VWA8: variants seen among roughly 807,000 people sequenced by gnomAD.
VWA8 encodes the protein von Willebrand factor A domain-containing protein 8.
Under a neutral mutation model 241.5 loss-of-function variants are expected in VWA8, and 221 were observed. That is an observed-to-expected ratio of 0.91 (90% CI 0.82 to 1.02). The LOEUF is 1.02. VWA8 is among the 50% of genes least tolerant of loss of function. The probability of loss-of-function intolerance (pLI) is 0.00; values close to 1 mark genes in which losing one functional copy is unlikely to be tolerated. For synonymous variants in VWA8, 852 were observed against 827.1 expected, an observed-to-expected ratio of 1.03 and a Z score of -0.52; for missense variants, 2,322 against 2,328.7, an observed-to-expected ratio of 1.00 and a Z score of 0.06.
At chr13:41,958,245 C>T (rs1566052250) in intron 1 of VWA8, among the ~76,000 whole-genome samples, 3 of 152,138 alleles carry the variant, frequency 2.0e-5, no homozygotes, top group African/African-American at 7.2e-5. Flanking sequence ...TGAGAGCAAA[C>T]GACAATTCCA....
chr13:41,764,544 T>C (rs1227792101), intron 20 of VWA8, among the ~76,000 whole-genome samples: 1 of 152,126 alleles, frequency 6.6e-6, no homozygotes, highest in Non-Finnish European at 1.5e-5. Context: ...TGCTTGAAGA[T>C]TTAACCTAAG....
chr13:41,575,860 A>T (rs1393299488), intron 42 of VWA8, 22 bp from the exon 43 acceptor site: 1 of 1,560,032 alleles, frequency 6.4e-7, no homozygotes, highest in African/African-American at 1.4e-5. Flanking sequence ...AGAACCAGAA[A>T]GTTATAAACT....
chr13:41,771,997 T>C (rs893871845), intron 20 of VWA8, among the ~76,000 whole-genome samples: 31 of 147,758 alleles, frequency 2.1e-4, no homozygotes, highest in African/African-American at 7.2e-4. Flanking sequence ...CTCAAGCGAT[T>C]CTCCCGCCTC....
intron 12 of VWA8, among the ~76,000 whole-genome samples, chr13:41,854,674 A>G (rs9566866): frequency 0.064 from 9,806 of 152,194 alleles, 401 homozygotes; most frequent in East Asian, 0.11. Context: ...TTAGTGGTGC[A>G]TCTTACAATT....
chr13:41,643,223 T>G (rs2044808395), intron 37 of VWA8, among the ~76,000 whole-genome samples: 3 of 152,206 alleles, frequency 2.0e-5, no homozygotes, highest in Admixed American at 6.5e-5. Flanking sequence ...ATTTCCCTTC[T>G]AGTAACTGGG....
At chr13:41,657,887 A>G (rs1323925262) in intron 37 of VWA8, among the ~76,000 whole-genome samples, 1 of 152,284 alleles carries the variant, frequency 6.6e-6, no homozygotes, top group African/African-American at 2.4e-5. Flanking sequence ...AGTCAGGATT[A>G]GAATGAGCAT....
At chr13:41,826,406 C>G (rs1871169988) in intron 14 of VWA8, among the ~76,000 whole-genome samples, 2 of 152,108 alleles carry the variant, frequency 1.3e-5, no homozygotes, top group Admixed American at 1.3e-4. Context: ...ATTAGAAGTT[C>G]AGCCCAGGAG....
chr13:41,927,893 G>A (rs1876924894), intron 2 of VWA8, among the ~76,000 whole-genome samples: 1 of 152,092 alleles, frequency 6.6e-6, no homozygotes, highest in South Asian at 2.1e-4. Context: ...CAAATGTAAA[G>A]GGATGGAAGA....
chr13:41,693,010 TTC>T (rs761357167), intron 29 of VWA8, 38 bp from the exon 30 acceptor site: 17 of 1,438,292 alleles, frequency 1.2e-5, no homozygotes, highest in Admixed American at 9.3e-5. Flanking sequence ...TCAAGATTTG[TTC>T]TTTTTTTTTT....
intron 12 of VWA8, among the ~76,000 whole-genome samples, chr13:41,858,814 G>A (rs1872873838): frequency 6.6e-6 from 1 of 152,038 alleles, no homozygotes; most frequent in Non-Finnish European, 1.5e-5. Flanking sequence ...AGCATTGTAA[G>A]AGCTATTCTT....
At chr13:41,921,719 A>G (rs374649721) in intron 2 of VWA8, among the ~76,000 whole-genome samples, 5 of 152,234 alleles carry the variant, frequency 3.3e-5, no homozygotes, top group African/African-American at 1.2e-4. Context: ...TAGGAATCCA[A>G]CTTACAAGGG....
At chr13:41,777,959 G>C in intron 20 of VWA8, 26 bp downstream of exon 20, 1 of 1,567,396 alleles carries the variant, frequency 6.4e-7, no homozygotes, top group Admixed American at 1.8e-5. Flanking sequence ...TTTTTCATTG[G>C]TACCTAGATT....
At chr13:41,943,962 A>G (rs1165078834) in intron 2 of VWA8, among the ~76,000 whole-genome samples, 1 of 151,866 alleles carries the variant, frequency 6.6e-6, no homozygotes. Flanking sequence ...AAAATTAGCT[A>G]GGCAATGTGG....
chr13:41,814,045 T>C (rs1870584904), intron 16 of VWA8, among the ~76,000 whole-genome samples: 2 of 152,296 alleles, frequency 1.3e-5, no homozygotes, highest in Middle Eastern at 3.4e-3. Flanking sequence ...ACATTATTTT[T>C]CTATTCTTCA....
intron 2 of VWA8, among the ~76,000 whole-genome samples, chr13:41,933,333 T>A (rs950542852): frequency 4.6e-5 from 7 of 151,972 alleles, no homozygotes; most frequent in Non-Finnish European, 1.0e-4. Flanking sequence ...TAGAGAAATA[T>A]ATCTTGTTCA....
chr13:41,747,553 A>T (rs2045618043), intron 21 of VWA8, among the ~76,000 whole-genome samples: 1 of 152,182 alleles, frequency 6.6e-6, no homozygotes, highest in African/African-American at 2.4e-5. Flanking sequence ...AACAGGGACA[A>T]TTTGACTTCT....
At chr13:41,613,908 C>T (rs1649976069) in intron 38 of VWA8, among the ~76,000 whole-genome samples, 1 of 152,162 alleles carries the variant, frequency 6.6e-6, no homozygotes, top group South Asian at 2.1e-4. Context: ...CAATTGAAAA[C>T]TAAAAGCCAG....
intron 26 of VWA8, among the ~76,000 whole-genome samples, chr13:41,706,830 T>C (rs866084541): frequency 6.6e-6 from 1 of 152,238 alleles, no homozygotes; most frequent in East Asian, 1.9e-4. Flanking sequence ...TTTAAGACTT[T>C]GTCACTTGTA....
chr13:41,636,830 G>C (rs1468094227), intron 37 of VWA8, among the ~76,000 whole-genome samples: 2 of 152,084 alleles, frequency 1.3e-5, no homozygotes, highest in Non-Finnish European at 2.9e-5. Context: ...ATCATCACTG[G>C]CCATCAGAGA....
Sources: gnomAD v4.1 joint callset for allele counts (sites outside exome capture counted in the v4.1 genomes callset) on GRCh38, gnomAD v4.1.1 for gene constraint, MANE v1.5 for transcripts, NCBI Gene and HGNC (gene_info 2026-07-23, HGNC 2026-07-21) for gene names.